Variants in TMEM50B observed in about 807,000 individuals in gnomAD.
TMEM50B encodes the protein HCV p7-trans-regulated protein 3.
Under a neutral mutation model 23.4 loss-of-function variants are expected in TMEM50B, and 14 were observed. The observed-to-expected ratio is 0.60, with a 90% CI of 0.39 to 0.93. The LOEUF (loss-of-function observed/expected upper bound fraction) is 0.93, where lower values mean the gene tolerates loss of function less well. TMEM50B is among the 40% of genes least tolerant of loss of function. The pLI is 0.00. For synonymous variants in TMEM50B, 64 were observed against 62.3 expected (o/e 1.03, Z -0.13); for missense variants, 159 against 193.0 (o/e 0.82, Z 1.04).
chr21:33,440,254 T>C (rs1185433289), intron 7 of TMEM50B, among the ~76,000 whole-genome samples: 1 of 152,180 alleles, frequency 6.6e-6, no homozygotes, highest in Non-Finnish European at 1.5e-5. Flanking sequence ...ATGAAAATTC[T>C]ATGATATTCA....
At chr21:33,470,004 G>A (rs13051161) in intron 1 of TMEM50B, among the ~76,000 whole-genome samples, 62,790 of 151,960 alleles carry the variant, frequency 0.41, 15,031 homozygotes, top group Non-Finnish European at 0.54. Flanking sequence ...GAAAAATCAT[G>A]TGCCTAAATA....
At chr21:33,478,859 TG>T (rs1334969579) in intron 1 of TMEM50B, 1 of 470,936 alleles carries the variant, frequency 2.1e-6, no homozygotes, top group Non-Finnish European at 4.4e-6. Flanking sequence ...TCAGAGCCTC[TG>T]AAGTGTCAAG....
intron 6 of TMEM50B, among the ~76,000 whole-genome samples, chr21:33,451,076 G>A (rs1439280167): frequency 6.6e-6 from 1 of 152,068 alleles, no homozygotes; most frequent in African/African-American, 2.4e-5. Context: ...TCTTTCTTAA[G>A]GCCTGGGAAG....
downstream of TMEM50B, among the ~76,000 whole-genome samples, chr21:33,444,667 T>C (rs537478751): frequency 2.6e-5 from 4 of 152,086 alleles, no homozygotes; most frequent in South Asian, 8.3e-4. Flanking sequence ...ACCTGTACTA[T>C]AGTCCCAGCT....
chr21:33,479,611 C>T (rs1601141886), intron 1 of TMEM50B, among the ~76,000 whole-genome samples: 1 of 152,310 alleles, frequency 6.6e-6, no homozygotes, highest in East Asian at 1.9e-4. Flanking sequence ...GCCACGGTCA[C>T]GGTCGGCCCG....
At chr21:33,459,457 G>A (rs1010492284) in intron 5 of TMEM50B, among the ~76,000 whole-genome samples, 20 of 152,098 alleles carry the variant, frequency 1.3e-4, no homozygotes, top group South Asian at 4.1e-4. Flanking sequence ...CTTGAGGTCA[G>A]GAGTTTGAGA....
chr21:33,434,404 C>T (rs1224419521), intron 8 of TMEM50B, among the ~76,000 whole-genome samples: 1 of 152,056 alleles, frequency 6.6e-6, no homozygotes, highest in Non-Finnish European at 1.5e-5. Context: ...CGCCTGTAAT[C>T]CCAGCTACAT....
intron 8 of TMEM50B, among the ~76,000 whole-genome samples, chr21:33,434,965 G>A (rs192369205): frequency 1.2e-4 from 19 of 152,250 alleles, no homozygotes; most frequent in Non-Finnish European, 2.1e-4. Flanking sequence ...AAGAACATCC[G>A]CCAAAGGTCT....
chr21:33,451,601 GA>G (rs1157224331), intron 6 of TMEM50B, among the ~76,000 whole-genome samples: 1 of 152,092 alleles, frequency 6.6e-6, no homozygotes, highest in Admixed American at 6.6e-5. Context: ...AGAGGATAAG[GA>G]GGCGGGAGCA....
At chr21:33,477,602 C>G (rs796758028) in intron 1 of TMEM50B, among the ~76,000 whole-genome samples, 1 of 61,108 alleles carries the variant, frequency 1.6e-5, no homozygotes, top group South Asian at 5.9e-4. Flanking sequence ...TTTGGGAGGC[C>G]GAGGCGGGGG....
chr21:33,452,625 G>C (rs2084132335), intron 6 of TMEM50B, among the ~76,000 whole-genome samples: 1 of 152,118 alleles, frequency 6.6e-6, no homozygotes, highest in Non-Finnish European at 1.5e-5. Flanking sequence ...AGCTGCTCTG[G>C]TCCTGCCTAT....
downstream of TMEM50B, among the ~76,000 whole-genome samples, chr21:33,446,232 TA>T (rs2084052081): frequency 1.5e-5 from 2 of 134,308 alleles, no homozygotes; most frequent in South Asian, 2.4e-4. Flanking sequence ...TTATTTTTTT[TA>T]TTTTTTATTT....
chr21:33,473,149 C>T (rs984398877), intron 1 of TMEM50B, among the ~76,000 whole-genome samples: 5 of 144,420 alleles, frequency 3.5e-5, no homozygotes, highest in South Asian at 2.2e-4. Flanking sequence ...CTGTTAATAA[C>T]GCTTTAAGAC....
At chr21:33,460,368 A>G (rs759520226) in intron 5 of TMEM50B, 45 bp downstream of exon 5, 4 of 1,230,892 alleles carry the variant, frequency 3.2e-6, no homozygotes, top group South Asian at 1.2e-5. Context: ...TATAAAAGAC[A>G]TATCTGAATC....
chr21:33,460,330 A>C (rs1321391378), intron 5 of TMEM50B, 83 bp downstream of exon 5: 2 of 818,012 alleles, frequency 2.4e-6, no homozygotes, highest in East Asian at 2.6e-5. Flanking sequence ...AATTATACTA[A>C]GTTGTACTCA....
At chr21:33,470,558 C>T (rs1368984162) in intron 1 of TMEM50B, among the ~76,000 whole-genome samples, 2 of 150,614 alleles carry the variant, frequency 1.3e-5, no homozygotes, top group Admixed American at 6.7e-5. Context: ...GGTGAAACCC[C>T]GTCTGTACTA....
rs371484948 is a variant in TMEM50B, at chr21:33,443,385, C to T, written c.*2037-4088G>A. On this transcript the variant is annotated intron_variant and NMD_transcript_variant, in intron 7 of 8. Transcript: ENST00000420455. ...ACTAAAATAGTGGAGCACCAGTAGT[C>T]GGGGCTGTGGGTACATTCCTGTAGG... 4.0e-5 allele frequency among the ~76,000 whole-genome samples: 5 copies of T among 125,768 alleles called. No individual in the cohort carries two copies. The East Asian group carries it at 9.8e-4, about 25-fold the overall frequency. 82.5% of individuals were successfully genotyped at this position (125,768 alleles called of 152,430 possible).
At chr21:33,447,525 T>C (rs919216326), downstream of TMEM50B, among the ~76,000 whole-genome samples, 1 of 152,006 alleles carries the variant, frequency 6.6e-6, no homozygotes, top group East Asian at 1.9e-4. Flanking sequence ...TGGGGAAAAA[T>C]GTAGAGATCA....
intron 5 of TMEM50B, among the ~76,000 whole-genome samples, chr21:33,459,655 G>A (rs577395719): frequency 7.7e-6 from 1 of 130,526 alleles, no homozygotes; most frequent in Non-Finnish European, 1.6e-5. Context: ...GTGACAGAGT[G>A]AGACTCCGTC....
Sources: gnomAD v4.1 joint callset for allele counts (sites outside exome capture counted in the v4.1 genomes callset) on GRCh38, gnomAD v4.1.1 for gene constraint, MANE v1.5 for transcripts, NCBI Gene and HGNC (gene_info 2026-07-23, HGNC 2026-07-21) for gene names.